Variants in AKT3 observed in about 807,000 individuals in gnomAD.
AKT3 encodes AKT serine/threonine kinase 3.
In AKT3, 15 loss-of-function variants were observed where a neutral mutation model predicts 65.3. The observed-to-expected ratio is 0.23, with a 90% CI of 0.15 to 0.35. AKT3 has a LOEUF of 0.35. Among genes scored for constraint, AKT3 ranks in the 10% least tolerant of loss-of-function variants. The pLI, the probability that AKT3 is intolerant of heterozygous loss-of-function variation, is 1.00. For missense variants in AKT3, 243 were observed against 576.5 expected, an observed-to-expected ratio of 0.42 and a Z score of 5.92; for synonymous variants, 206 against 183.8, an observed-to-expected ratio of 1.12 and a Z score of -0.98.
intron 6 of AKT3, among the ~76,000 whole-genome samples, chr1:243,621,586 T>C (rs1644978074): frequency 6.6e-6 from 1 of 152,158 alleles, no homozygotes; most frequent in Non-Finnish European, 1.5e-5. Context: ...ATACCTCAAA[T>C]CTAGACTTCT....
At chr1:243,521,977 C>T (rs141566458) in intron 12 of AKT3, among the ~76,000 whole-genome samples, 40 of 152,226 alleles carry the variant, frequency 2.6e-4, no homozygotes, top group Non-Finnish European at 5.0e-4. Flanking sequence ...TCCATAGATA[C>T]GATACATTAT....
At chr1:243,496,011 G>T (rs1667764128), downstream of AKT3, among the ~76,000 whole-genome samples, 1 of 152,144 alleles carries the variant, frequency 6.6e-6, no homozygotes, top group African/African-American at 2.4e-5. Flanking sequence ...CAGAGAAAAA[G>T]AAAGAACCAG....
chr1:243,531,879 A>G (rs1419758147), intron 12 of AKT3, among the ~76,000 whole-genome samples: 2 of 152,306 alleles, frequency 1.3e-5, no homozygotes, highest in Non-Finnish European at 2.9e-5. Flanking sequence ...ATTTTAAATG[A>G]AATTGATCTT....
rs1313857387 is a variant in AKT3, at chr1:243,650,598, G to A, written c.285-4561C>T. 2.6e-5 allele frequency among the ~76,000 whole-genome samples: 4 copies of A among 152,142 alleles called. No homozygotes were observed. The East Asian group carries it at 7.7e-4, about 29-fold the overall frequency. ...TGATTTTTGTATAAGGTGTCAGTAA[G>A]GGGTCAGTTTCAGTTTTCTGCATAT... On this transcript the variant is annotated intron_variant, in intron 4 of 13. Coordinates refer to ENST00000673466, the MANE Select transcript of AKT3 (RefSeq NM_005465.7).
intron 3 of AKT3, among the ~76,000 whole-genome samples, chr1:243,682,396 T>C (rs1683989307): frequency 6.6e-6 from 1 of 152,156 alleles, no homozygotes. Flanking sequence ...TTTTAAAAAC[T>C]CTGTAGGTAG....
rs778809961 is a variant in AKT3 at position 243,552,755 on chromosome 1, C to T, written c.1137G>A (p.Gly379=). 5.6e-6 allele frequency: 9 copies of T among 1,613,682 alleles called. No homozygotes were observed. In the East Asian group the frequency reaches 1.8e-4, roughly 32 times the overall value. The change falls in exon 11 of 14, where the codon GGG becomes GGA. Residue 379 remains glycine (G), a synonymous_variant. Coordinates refer to ENST00000673466, the MANE Select transcript of AKT3 (RefSeq NM_005465.7). ...LSSDAKSLLS[G]LLIKDPNKRL... is the part of the protein sequence containing the mutation. ...GTTTATTTGGATCCTTTATCAAGAG[C>T]CCTGAAAGCAATGATTTTGCATCTG... is the stretch of plus-strand genomic sequence containing the variant.
chr1:243,583,128 A>G (rs1215262117), intron 8 of AKT3, among the ~76,000 whole-genome samples: 1 of 147,596 alleles, frequency 6.8e-6, no homozygotes, highest in African/African-American at 2.5e-5. Flanking sequence ...GTATGTATAT[A>G]TATTCCATAT....
chr1:243,523,307 A>ACACC (rs1491320538), intron 12 of AKT3, among the ~76,000 whole-genome samples: 1 of 135,366 alleles, frequency 7.4e-6, no homozygotes, highest in African/African-American at 2.8e-5. Context: ...ACACACACAC[A>ACACC]CCTTTCAGAA....
chr1:243,671,016 A>G (rs1047361806), intron 3 of AKT3, among the ~76,000 whole-genome samples: 11 of 152,210 alleles, frequency 7.2e-5, no homozygotes, highest in African/African-American at 2.7e-4. Context: ...CCATTTAAAC[A>G]CTAATTTTAT....
At chr1:243,499,366 T>G (rs12134270), downstream of AKT3, among the ~76,000 whole-genome samples, 30,191 of 152,192 alleles carry the variant, frequency 0.2, 3,128 homozygotes, top group East Asian at 0.28. Context: ...ACCCTGTTTT[T>G]GTTCTAGAAT....
At chr1:243,786,269 T>C (rs1211462837) in intron 2 of AKT3, among the ~76,000 whole-genome samples, 2 of 152,250 alleles carry the variant, frequency 1.3e-5, no homozygotes, top group Non-Finnish European at 2.9e-5. Flanking sequence ...TTTCCTCTTT[T>C]TCCTTATCTC....
intron 10 of AKT3, among the ~76,000 whole-genome samples, chr1:243,560,379 C>T (rs987682634): frequency 4.6e-5 from 7 of 152,002 alleles, no homozygotes; most frequent in Non-Finnish European, 1.5e-5. Flanking sequence ...AAATGGTCCA[C>T]GCTGAAGACC....
chr1:243,552,644 G>A, intron 11 of AKT3, 85 bp downstream of exon 11: 2 of 1,225,934 alleles, frequency 1.6e-6, no homozygotes, highest in Non-Finnish European at 2.4e-6. Context: ...TTGCTTCTTG[G>A]AGTTAGTTAT....
Position 243,630,563 on chromosome 1 carries a change from T to C in AKT3, c.561+7048A>G, listed in dbSNP as rs75938887. Among the ~76,000 whole-genome samples the C allele has an allele frequency of 9.2e-3, 1,406 of 152,316 alleles. 21 individuals are homozygous for C. Among genetic ancestry groups the C allele is most frequent in the African/African-American group, 0.032 (1,332 of 41,562 alleles). On this transcript the variant is annotated intron_variant, in intron 6 of 13. Coordinates refer to ENST00000673466, the MANE Select transcript of AKT3 (RefSeq NM_005465.7). ...GGTCTGTAACTAATCCTCAGTAATTTGTATTTCTGTCCTCTAGGCCCATGG... is the reference window on the plus strand; with the variant it reads ...GGTCTGTAACTAATCCTCAGTAATTCGTATTTCTGTCCTCTAGGCCCATGG...
intron 11 of AKT3, among the ~76,000 whole-genome samples, chr1:243,546,428 GA>G (rs1366132150): frequency 6.6e-6 from 1 of 151,980 alleles, no homozygotes; most frequent in Non-Finnish European, 1.5e-5. Context: ...AGAACAGGAG[GA>G]AAAGAGGGGA....
chr1:243,582,732 A>C (rs537669484), intron 8 of AKT3, among the ~76,000 whole-genome samples: 3 of 152,294 alleles, frequency 2.0e-5, no homozygotes, highest in South Asian at 4.1e-4. Context: ...TAATAACTTC[A>C]TGATAGGATC....
At chr1:243,494,758 T>C (rs577049421), downstream of AKT3, among the ~76,000 whole-genome samples, 20 of 152,378 alleles carry the variant, frequency 1.3e-4, no homozygotes, top group South Asian at 4.1e-4. Context: ...AGTCAGACAT[T>C]ACATTTCACA....
rs1468514605 is a variant in AKT3 at position 243,803,272 on chromosome 1, T to TC, written c.46+39852dup. ...CAACAACATTAAAAGTCCAGATCTA[T>TC]CTGCCTCCAAAGCCAGCTGTACCTT... On this transcript the variant is annotated intron_variant, in intron 2 of 13. Coordinates refer to ENST00000673466, the MANE Select transcript of AKT3 (RefSeq NM_005465.7). Among the ~76,000 whole-genome samples the TC allele has an allele frequency of 1.1e-4, 16 of 152,280 alleles. No individual in the cohort carries two copies. In the East Asian group the frequency reaches 3.1e-3, roughly 29 times the overall value.
chr1:243,592,510 C>G (rs1676308656), intron 8 of AKT3, among the ~76,000 whole-genome samples: 1 of 152,032 alleles, frequency 6.6e-6, no homozygotes, highest in Non-Finnish European at 1.5e-5. Flanking sequence ...ACAAAGCAGA[C>G]TTCTTGACAG....
Sources: allele counts gnomAD v4.1 joint callset (sites outside exome capture counted in the v4.1 genomes callset), GRCh38; gene constraint gnomAD v4.1.1; transcripts MANE v1.5; gene names NCBI Gene and HGNC (gene_info 2026-07-23, HGNC 2026-07-21).